Variants in DPP10 observed in about 807,000 individuals in gnomAD.
DPP10 encodes the protein dipeptidyl peptidase like 10, also known as inactive dipeptidyl peptidase 10.
DPP10 carries 33 observed loss-of-function variants against 120.9 expected under a neutral mutation model. The observed-to-expected ratio is 0.27, with a 90% CI of 0.21 to 0.37. The LOEUF (loss-of-function observed/expected upper bound fraction) is 0.37, where lower values mean the gene tolerates loss of function less well. DPP10 is among the 10% of genes least tolerant of loss of function. The probability of loss-of-function intolerance (pLI) is 1.00; values close to 1 mark genes in which losing one functional copy is unlikely to be tolerated. For synonymous variants in DPP10, 337 were observed against 326.1 expected, an observed-to-expected ratio of 1.03 and a Z score of -0.36; for missense variants, 816 against 942.8, an observed-to-expected ratio of 0.87 and a Z score of 1.76.
intron 1 of DPP10, among the ~76,000 whole-genome samples, chr2:114,721,197 G>A (rs995893350): frequency 6.6e-6 from 1 of 152,108 alleles, no homozygotes; most frequent in African/African-American, 2.4e-5. Context: ...CTCTTTTAGG[G>A]TGTGCATTCA....
chr2:114,688,701 G>C (rs1328167502), intron 1 of DPP10, among the ~76,000 whole-genome samples: 2 of 151,024 alleles, frequency 1.3e-5, no homozygotes, highest in East Asian at 3.9e-4. Context: ...TGACTGACAA[G>C]TGCGCATGTG....
intron 1 of DPP10, among the ~76,000 whole-genome samples, chr2:114,546,779 C>A (rs1326669793): frequency 6.6e-6 from 1 of 152,094 alleles, no homozygotes; most frequent in East Asian, 1.9e-4. Flanking sequence ...CCAAAAGTCA[C>A]CAGAAATTAT....
At chr2:114,630,125 G>A (rs1435681785) in intron 1 of DPP10, among the ~76,000 whole-genome samples, 2 of 151,978 alleles carry the variant, frequency 1.3e-5, no homozygotes, top group Non-Finnish European at 2.9e-5. Context: ...TGAGATGATC[G>A]TTTTTTCTCT....
chr2:115,033,696 C>CTT (rs1704009668), intron 1 of DPP10, among the ~76,000 whole-genome samples: 1 of 22,094 alleles, frequency 4.5e-5, no homozygotes, highest in Non-Finnish European at 1.7e-4. Context: ...TATCTTCCCT[C>CTT]CTTTTTTTTT....
chr2:115,337,228 G>A (rs1030887277), intron 2 of DPP10, among the ~76,000 whole-genome samples: 2 of 151,842 alleles, frequency 1.3e-5, no homozygotes, highest in Admixed American at 6.6e-5. Context: ...TTATCTTCCT[G>A]GGCAAGTTGA....
At chr2:115,297,567 A>G (rs2060941310) in intron 1 of DPP10, among the ~76,000 whole-genome samples, 1 of 152,090 alleles carries the variant, frequency 6.6e-6, no homozygotes, top group Non-Finnish European at 1.5e-5. Flanking sequence ...TTTAATAAAT[A>G]TAAGTGGATG....
chr2:115,478,601 C>T (rs2075237645), intron 3 of DPP10, among the ~76,000 whole-genome samples: 1 of 152,122 alleles, frequency 6.6e-6, no homozygotes, highest in Admixed American at 6.6e-5. Flanking sequence ...ACATCATCCA[C>T]AGAGCCATAA....
At chr2:114,906,544 C>T (rs899485871) in intron 1 of DPP10, among the ~76,000 whole-genome samples, 6 of 151,952 alleles carry the variant, frequency 3.9e-5, no homozygotes, top group African/African-American at 7.3e-5. Flanking sequence ...ACTAGTTTTC[C>T]GTGTTCATTA....
intron 1 of DPP10, among the ~76,000 whole-genome samples, chr2:115,296,750 C>T (rs2060901990): frequency 1.3e-5 from 2 of 152,024 alleles, no homozygotes; most frequent in Non-Finnish European, 2.9e-5. Context: ...TATTCATCTT[C>T]CCAAATAGAT....
chr2:115,815,397 A>G lies in DPP10; in HGVS notation c.1896-278A>G, dbSNP rs562251086. On this transcript the variant is annotated intron_variant, in intron 20 of 25. Coordinates refer to ENST00000410059, the MANE Select transcript of DPP10 (RefSeq NM_020868.6). ...CTTTATAATAGCACACAGAAACCAG[A>G]TATGATATTGTTCAAATGTAGATGT... 6.5e-4 allele frequency among the ~76,000 whole-genome samples: 99 copies of G among 152,306 alleles called. 1 individual carries two copies. Among genetic ancestry groups the G allele is most frequent in the Admixed American group, 1.2e-3 (18 of 15,304 alleles).
chr2:114,555,992 C>T (rs1216499733), intron 1 of DPP10, among the ~76,000 whole-genome samples: 2 of 151,914 alleles, frequency 1.3e-5, no homozygotes, highest in African/African-American at 2.4e-5. Context: ...GATCATCAAG[C>T]CTTGATTTCA....
intron 10 of DPP10, among the ~76,000 whole-genome samples, chr2:115,751,094 G>A (rs1229326026): frequency 6.6e-6 from 1 of 151,956 alleles, no homozygotes; most frequent in Admixed American, 6.6e-5. Flanking sequence ...GCAGTCTTTG[G>A]TTAGTTGTTT....
At chr2:115,384,356 A>T (rs2066686523) in intron 3 of DPP10, among the ~76,000 whole-genome samples, 1 of 151,928 alleles carries the variant, frequency 6.6e-6, no homozygotes, top group African/African-American at 2.4e-5. Context: ...CCTAGATAAC[A>T]GAGCAAGATC....
chr2:115,196,585 A>C (rs904672626), intron 1 of DPP10, among the ~76,000 whole-genome samples: 4 of 152,188 alleles, frequency 2.6e-5, no homozygotes, highest in African/African-American at 9.7e-5. Flanking sequence ...TTGAACCTAC[A>C]TTTAAAAAAT....
At chr2:115,016,001 C>T (rs1021899197) in intron 1 of DPP10, among the ~76,000 whole-genome samples, 5 of 151,978 alleles carry the variant, frequency 3.3e-5, no homozygotes, top group African/African-American at 1.2e-4. Context: ...AAAAACTACT[C>T]AAAATTTCAT....
intron 1 of DPP10, among the ~76,000 whole-genome samples, chr2:115,180,393 G>A (rs576784111): frequency 8.5e-5 from 13 of 152,052 alleles, no homozygotes; most frequent in South Asian, 2.1e-4. Flanking sequence ...TTACATATTC[G>A]TACCTAAAAT....
intron 1 of DPP10, among the ~76,000 whole-genome samples, chr2:114,878,007 C>G (rs1247311903): frequency 6.6e-6 from 1 of 151,946 alleles, no homozygotes; most frequent in Non-Finnish European, 1.5e-5. Flanking sequence ...GTGCCCCACT[C>G]TCTACTTATG....
At chr2:115,101,884 C>A (rs2048707078) in intron 1 of DPP10, among the ~76,000 whole-genome samples, 1 of 152,084 alleles carries the variant, frequency 6.6e-6, no homozygotes, top group African/African-American at 2.4e-5. Flanking sequence ...ATACAGTGGA[C>A]CAATTTGCAA....
chr2:114,623,532 AT>A (rs758727697), intron 1 of DPP10, among the ~76,000 whole-genome samples: 3 of 152,116 alleles, frequency 2.0e-5, no homozygotes, highest in African/African-American at 4.8e-5. Context: ...TTCAATTGAG[AT>A]TTTGAGAAAC....
Sources: allele counts gnomAD v4.1 joint callset (sites outside exome capture counted in the v4.1 genomes callset), GRCh38; gene constraint gnomAD v4.1.1; transcripts MANE v1.5; gene names NCBI Gene and HGNC (gene_info 2026-07-23, HGNC 2026-07-21).